ZC3H3: variants seen among roughly 807,000 people sequenced by gnomAD.
ZC3H3 encodes zinc finger CCCH-type containing 3.
Under a neutral mutation model 77.3 loss-of-function variants are expected in ZC3H3, and 36 were observed. The observed-to-expected ratio is 0.47, with a 90% CI of 0.36 to 0.61. ZC3H3 has a LOEUF of 0.61. Ranked by LOEUF, ZC3H3 falls within the 20% of genes least tolerant of loss-of-function variation. The probability of loss-of-function intolerance (pLI) is 0.00; values close to 1 mark genes in which losing one functional copy is unlikely to be tolerated. For missense variants in ZC3H3, 1,331 were observed against 1,312.2 expected (o/e 1.01, Z -0.22); for synonymous variants, 626 against 555.2 (o/e 1.13, Z -1.79).
intron 9 of ZC3H3, among the ~76,000 whole-genome samples, chr8:143,459,324 G>C (rs1468269594): frequency 6.6e-6 from 1 of 152,234 alleles, no homozygotes; most frequent in Non-Finnish European, 1.5e-5. Context: ...AAGGCGGGCT[G>C]ATCACCTGAG....
At chr8:143,506,532 G>A (rs1170285194) in intron 4 of ZC3H3, among the ~76,000 whole-genome samples, 1 of 152,144 alleles carries the variant, frequency 6.6e-6, no homozygotes, top group African/African-American at 2.4e-5. Context: ...AATAGCAGGT[G>A]TAAATTTAAC....
chr8:143,526,006 C>T (rs569613400), intron 3 of ZC3H3, among the ~76,000 whole-genome samples: 27 of 152,352 alleles, frequency 1.8e-4, no homozygotes, highest in Middle Eastern at 3.4e-3. Context: ...GGTGCTGGCA[C>T]TGGTGCTGAC....
chr8:143,483,546 G>A (rs1436256773), intron 4 of ZC3H3, among the ~76,000 whole-genome samples: 3 of 152,266 alleles, frequency 2.0e-5, no homozygotes, highest in East Asian at 1.9e-4. Context: ...AGGGAGGGGC[G>A]CTCAGGCCAG....
intron 5 of ZC3H3, among the ~76,000 whole-genome samples, chr8:143,472,985 G>A (rs1185487857): frequency 6.6e-6 from 1 of 152,200 alleles, no homozygotes; most frequent in African/African-American, 2.4e-5. Flanking sequence ...TCCAGCTTCC[G>A]CAGAGCAGGG....
chr8:143,437,785 C>T lies in ZC3H3; in HGVS notation c.*271G>A, dbSNP rs755636360. The T allele has an allele frequency of 1.9e-6, 1 of 516,862 alleles. No individual in the cohort carries two copies. The highest frequency in any genetic ancestry group is 3.5e-6 in the Non-Finnish European group (1 of 284,944). 32.0% of individuals were successfully genotyped at this position (516,862 alleles called of 1,614,324 possible). A position where few individuals can be genotyped will look rare whatever the true frequency, so the allele number is the denominator to read the frequency against. On this transcript the variant is annotated 3_prime_UTR_variant, in exon 12 of 12. Coordinates refer to ENST00000262577, the MANE Select transcript of ZC3H3 (RefSeq NM_015117.3). ...GCTGCAGGGCCACTGTTGCCAATGG[C>T]AGTCGGGGACAGGCCTGGAGGCCAG...
intron 5 of ZC3H3, among the ~76,000 whole-genome samples, chr8:143,471,523 G>A (rs1262439384): frequency 6.6e-6 from 1 of 152,028 alleles, no homozygotes; most frequent in African/African-American, 2.4e-5. Flanking sequence ...AGAGACTGGG[G>A]CCTCTGCCCC....
In ZC3H3 at chr8:143,538,416, G is replaced by A; in HGVS notation, c.951C>T (p.Ser317=). Residue 317 remains serine, a synonymous_variant, in exon 2 of 12, where the codon TCC becomes TCT. Transcript: ENST00000262577. The part of the protein sequence containing the change: ...RKNNYKWVAA[S]SKSPRVARRA... ...TCCGAGCAACCCGGGGACTCTTCGA[G>A]GAGGCAGCCACCCATTTGTAGTTGT... The A allele has an allele frequency of 6.2e-7, 1 of 1,613,244 alleles. No individual in the cohort carries two copies. The highest frequency in any genetic ancestry group is 8.5e-7 in the Non-Finnish European group (1 of 1,180,038).
At position 143,539,200 on chromosome 8, in the gene ZC3H3, C is replaced by A. The variant is rs139762891; in HGVS notation, c.167G>T (p.Arg56Leu). The change falls in exon 2 of 12, where the codon CGT becomes CTT. Residue 56 changes from arginine to leucine, a missense_variant. Arg to Leu is a moderately radical substitution (Grantham distance 102). Transcript: ENST00000262577. ...SGRAFSARYP[R>L]PSRRGYSSHH... ...GGAAGAGTAGCCCCTCCGGCTTGGA[C>A]GAGGGTAGCGGGCACTAAAGGCTCT... The A allele has an allele frequency of 6.2e-7, 1 of 1,612,914 alleles. No homozygotes were observed. Among genetic ancestry groups the A allele is most frequent in the Non-Finnish European group, 8.5e-7 (1 of 1,180,026 alleles).
intron 3 of ZC3H3, among the ~76,000 whole-genome samples, chr8:143,518,144 G>C (rs1247175478): frequency 2.0e-5 from 3 of 152,212 alleles, no homozygotes; most frequent in Non-Finnish European, 4.4e-5. Context: ...GCAGCTCCAG[G>C]GCCAGGATGG....
intron 9 of ZC3H3, among the ~76,000 whole-genome samples, chr8:143,441,431 G>C (rs905673095): frequency 6.6e-6 from 1 of 152,240 alleles, no homozygotes; most frequent in African/African-American, 2.4e-5. Context: ...TCAGGGCTCT[G>C]CCCACCCGCT....
At chr8:143,482,789 T>C (rs1346649224) in intron 4 of ZC3H3, among the ~76,000 whole-genome samples, 1 of 152,112 alleles carries the variant, frequency 6.6e-6, no homozygotes, top group Non-Finnish European at 1.5e-5. Context: ...ACGTGCAATA[T>C]GCAGACGTGG....
chr8:143,479,114 T>A (rs1820833798), intron 4 of ZC3H3, among the ~76,000 whole-genome samples: 1 of 152,206 alleles, frequency 6.6e-6, no homozygotes, highest in Non-Finnish European at 1.5e-5. Context: ...AGAAGCTGCA[T>A]CCTGGGAAGA....
rs1586902203 is a variant in ZC3H3, at chr8:143,475,571, T to C, written c.1730A>G (p.Asn577Ser). ...CCCGCTGGCAACTGGACGCAGGCGG[T>C]TCAGCACCAGGGACCTGCAGAGACA... ...RLSLSRSLVLNRLRPVASGGG... is the reference protein window; with the variant it reads ...RLSLSRSLVLSRLRPVASGGG... The change falls in exon 5 of 12, where the codon AAC (asparagine) becomes AGC (serine). Residue 577 changes from asparagine (N) to serine (S), a missense_variant. By Grantham distance (46) the Asn-to-Ser change is conservative (BLOSUM62 1). Coordinates refer to ENST00000262577, the MANE Select transcript of ZC3H3 (RefSeq NM_015117.3). 1.2e-6 allele frequency: 2 copies of C among 1,601,052 alleles called. No individual in the cohort carries two copies. The highest frequency in any genetic ancestry group is 2.7e-5 in the African/African-American group (2 of 74,784).
chr8:143,461,244 A>G (rs2129850403), intron 9 of ZC3H3, among the ~76,000 whole-genome samples: 1 of 152,348 alleles, frequency 6.6e-6, no homozygotes, highest in South Asian at 2.1e-4. Context: ...ATGGCCCATA[A>G]GCACCCAGGT....
intron 4 of ZC3H3, among the ~76,000 whole-genome samples, chr8:143,506,648 A>T (rs1485467285): frequency 6.6e-6 from 1 of 152,252 alleles, no homozygotes; most frequent in African/African-American, 2.4e-5. Context: ...CAGTAAAATT[A>T]ATTTAAAATA....
chr8:143,451,927 T>G (rs915453268), intron 9 of ZC3H3, among the ~76,000 whole-genome samples: 3 of 152,208 alleles, frequency 2.0e-5, no homozygotes, highest in African/African-American at 7.2e-5. Flanking sequence ...CACCTCTGGC[T>G]GCGGAGAAGG....
chr8:143,468,585 AGCCCACCCACT>A (rs1232076985), intron 6 of ZC3H3, 21 bp downstream of exon 6: 1 of 1,586,678 alleles, frequency 6.3e-7, no homozygotes, highest in African/African-American at 1.3e-5. Flanking sequence ...GCGAGCAGGG[AGCCCACCCACT>A]GCCCAGCCCA....
chr8:143,471,340 A>G (rs1820557925), intron 5 of ZC3H3, among the ~76,000 whole-genome samples: 1 of 152,222 alleles, frequency 6.6e-6, no homozygotes, highest in Admixed American at 6.5e-5. Context: ...GGCGGGGGCA[A>G]GCCGACAGGG....
At position 143,538,228 on chromosome 8, in the gene ZC3H3, T is replaced by C. The variant is rs200077453; in HGVS notation, c.1139A>G (p.Lys380Arg). 1.2e-6 allele frequency: 2 copies of C among 1,613,038 alleles called. No individual in the cohort carries two copies. The highest frequency in any genetic ancestry group is 1.7e-6 in the Non-Finnish European group (2 of 1,180,038). Reference sequence around the variant, plus strand: ...GGAGGAGGCAGAGGGGCTGGAGGCCTTCCACTTGTACTTGCTGGGGGCAGA... The same window carrying C: ...GGAGGAGGCAGAGGGGCTGGAGGCCCTCCACTTGTACTTGCTGGGGGCAGA... ...PGSAPSKYKWKASSPSASSSS... is the reference protein window; with the variant it reads ...PGSAPSKYKWRASSPSASSSS... The change falls in exon 2 of 12, where the codon AAG becomes AGG. Residue 380 changes from lysine to arginine, a missense_variant. Physicochemically the swap from Lys to Arg is conservative, Grantham distance 26. Transcript: ENST00000262577.
Sources: gnomAD v4.1 joint callset for allele counts (sites outside exome capture counted in the v4.1 genomes callset) on GRCh38, gnomAD v4.1.1 for gene constraint, MANE v1.5 for transcripts, NCBI Gene and HGNC (gene_info 2026-07-23, HGNC 2026-07-21) for gene names.